The following INTS9 variants were observed in gnomAD, a reference collection of about 807,000 sequenced individuals.
The protein encoded by INTS9 is protein related to CPSF subunits of 74 kDa.
INTS9 carries 55 observed loss-of-function variants against 79.7 expected under a neutral mutation model. The ratio of observed to expected loss-of-function variants is 0.69; its 90% CI spans 0.56 to 0.86. INTS9 has a LOEUF of 0.86. Ranked by LOEUF, INTS9 falls within the 40% of genes least tolerant of loss-of-function variation. The pLI is 0.00. For missense variants in INTS9, 721 were observed against 831.5 expected, an observed-to-expected ratio of 0.87 and a Z score of 1.64; for synonymous variants, 319 against 325.2, an observed-to-expected ratio of 0.98 and a Z score of 0.20.
chr8:28,840,268 C>A (rs1426077941), intron 4 of INTS9, among the ~76,000 whole-genome samples: 6 of 151,328 alleles, frequency 4.0e-5, no homozygotes, highest in Non-Finnish European at 5.9e-5. Flanking sequence ...GTTAGAATGG[C>A]AATCATTAAA....
At chr8:28,880,344 A>G (rs1021886151) in intron 1 of INTS9, among the ~76,000 whole-genome samples, 1 of 149,756 alleles carries the variant, frequency 6.7e-6, no homozygotes, top group Non-Finnish European at 1.5e-5. Flanking sequence ...ATCTCAGCTC[A>G]CTGCAACCTC....
intron 14 of INTS9, among the ~76,000 whole-genome samples, chr8:28,771,944 T>C (rs1436277917): frequency 6.6e-6 from 1 of 152,004 alleles, no homozygotes; most frequent in Admixed American, 6.6e-5. Flanking sequence ...CATTGCAACC[T>C]CAACCTCCTG....
In INTS9 at chr8:28,888,694, G is replaced by A. The variant is rs138567452; in HGVS notation, c.9+1180C>T. 3.0e-3 allele frequency among the ~76,000 whole-genome samples: 456 copies of A among 152,226 alleles called. 1 individual carries two copies. Among genetic ancestry groups the A allele is most frequent in the African/African-American group, 0.01 (432 of 41,516 alleles). On this transcript the variant is annotated intron_variant, in intron 1 of 16. Coordinates refer to ENST00000521022, the MANE Select transcript of INTS9 (RefSeq NM_018250.4). Reference sequence around the variant, plus strand: ...CCAGGGGTAAGTTGCTATTCTCAAGGTTTAGTGACCCGCATCCTTCCCCTT... The same window carrying A: ...CCAGGGGTAAGTTGCTATTCTCAAGATTTAGTGACCCGCATCCTTCCCCTT...
At chr8:28,856,390 A>G (rs986928144) in intron 2 of INTS9, among the ~76,000 whole-genome samples, 3 of 152,104 alleles carry the variant, frequency 2.0e-5, no homozygotes, top group Non-Finnish European at 2.9e-5. Flanking sequence ...TCATGAAAAA[A>G]GGTTTGAGGG....
chr8:28,783,934 T>C (rs1391894996), intron 11 of INTS9: 1 of 152,226 alleles, frequency 6.6e-6, no homozygotes, highest in African/African-American at 2.4e-5. Context: ...AAGTCACTTT[T>C]AAGCATTATC....
rs201451185 is a variant in INTS9, at chr8:28,768,186, C to T, written c.1937G>A (p.Arg646Gln). Residue 646 changes from arginine (R) to glutamine (Q), a missense_variant, in exon 17 of 17, where the codon CGA becomes CAA. Around this residue, in one of 3 missense-constraint regions of INTS9, gnomAD observed 281 missense variants for 300.8 expected, o/e 0.93. Coordinates refer to ENST00000521022, the MANE Select transcript of INTS9 (RefSeq NM_018250.4). ...GAATTTGAGGACAAGGTCCCGCAGT[C>T]GCACTCTGAGCATCTCGTCATTGTC... ...ICDNDEMLRVRLRDLVLKFLQ... is the reference protein window; with the variant it reads ...ICDNDEMLRVQLRDLVLKFLQ... 5.6e-5 allele frequency: 91 copies of T among 1,614,064 alleles called. No homozygotes were observed. Among genetic ancestry groups the T allele is most frequent in the Non-Finnish European group, 7.5e-5 (88 of 1,180,050 alleles).
chr8:28,826,317 G>A (rs1026779809), intron 6 of INTS9, among the ~76,000 whole-genome samples: 1 of 151,978 alleles, frequency 6.6e-6, no homozygotes, highest in Non-Finnish European at 1.5e-5. Flanking sequence ...TGCTATCCCA[G>A]GAAAAAAAAG....
intron 14 of INTS9, among the ~76,000 whole-genome samples, chr8:28,774,296 A>G (rs866267346): frequency 1.3e-5 from 2 of 152,236 alleles, no homozygotes; most frequent in Non-Finnish European, 2.9e-5. Context: ...ATGTTAACAT[A>G]TAATAGGTTT....
chr8:28,869,915 A>G (rs550878685), intron 1 of INTS9, among the ~76,000 whole-genome samples: 3 of 151,984 alleles, frequency 2.0e-5, no homozygotes, highest in Non-Finnish European at 4.4e-5. Context: ...CCTGTCCTCT[A>G]CTTGGCTTTC....
intron 1 of INTS9, among the ~76,000 whole-genome samples, chr8:28,871,598 G>A (rs889455876): frequency 6.6e-6 from 1 of 151,908 alleles, no homozygotes; most frequent in Non-Finnish European, 1.5e-5. Flanking sequence ...TGGAGATGAA[G>A]CCTCACTATG....
intron 11 of INTS9, 86 bp downstream of exon 11, chr8:28,787,743 A>C (rs995441144): frequency 1.1e-6 from 1 of 916,768 alleles, no homozygotes; most frequent in African/African-American, 1.6e-5. Flanking sequence ...ACAGCAATCT[A>C]TTTCATCTAA....
chr8:28,866,942 T>C (rs1460725064), intron 1 of INTS9, among the ~76,000 whole-genome samples: 1 of 149,266 alleles, frequency 6.7e-6, no homozygotes, highest in Non-Finnish European at 1.5e-5. Flanking sequence ...ACCACTGCAC[T>C]CCAGCCTGGG....
At chr8:28,835,031 T>C (rs1368278864) in intron 6 of INTS9, among the ~76,000 whole-genome samples, 1 of 152,184 alleles carries the variant, frequency 6.6e-6, no homozygotes, top group Non-Finnish European at 1.5e-5. Context: ...CCTGTTGAGT[T>C]ATCTGATTTT....
intron 4 of INTS9, among the ~76,000 whole-genome samples, chr8:28,841,923 A>G (rs1464354304): frequency 1.3e-5 from 2 of 152,116 alleles, no homozygotes; most frequent in Non-Finnish European, 2.9e-5. Context: ...ATGTCTCTAC[A>G]AAAAATGTTT....
At chr8:28,802,940 T>C (rs1390883098) in intron 8 of INTS9, among the ~76,000 whole-genome samples, 1 of 148,834 alleles carries the variant, frequency 6.7e-6, no homozygotes, top group Non-Finnish European at 1.5e-5. Flanking sequence ...TAAAACCCCG[T>C]TTCTACAAAA....
chr8:28,826,320 A>C (rs953848160), intron 6 of INTS9, among the ~76,000 whole-genome samples: 2 of 152,192 alleles, frequency 1.3e-5, no homozygotes, highest in Non-Finnish European at 2.9e-5. Flanking sequence ...TATCCCAGGA[A>C]AAAAAAGAAC....
intron 11 of INTS9, among the ~76,000 whole-genome samples, chr8:28,786,110 C>G (rs1457188094): frequency 6.6e-6 from 1 of 152,094 alleles, no homozygotes; most frequent in Admixed American, 6.6e-5. Context: ...CATATCTACT[C>G]TTTTATATCT....
chr8:28,829,524 A>G (rs1394816148), intron 6 of INTS9, among the ~76,000 whole-genome samples: 2 of 152,194 alleles, frequency 1.3e-5, no homozygotes, highest in Non-Finnish European at 2.9e-5. Context: ...ACTTCAAATG[A>G]TTTATGAGAA....
chr8:28,829,935 G>A (rs1563280702), intron 6 of INTS9, among the ~76,000 whole-genome samples: 2 of 151,982 alleles, frequency 1.3e-5, no homozygotes, highest in Non-Finnish European at 2.9e-5. Context: ...GTGGTCACCG[G>A]TCCACATTTT....
Sources: gnomAD v4.1 joint callset for allele counts (sites outside exome capture counted in the v4.1 genomes callset) on GRCh38, gnomAD v4.1.1 for gene constraint, gnomAD v4.1.1 regional missense constraint, MANE v1.5 for transcripts, NCBI Gene and HGNC (gene_info 2026-07-23, HGNC 2026-07-21) for gene names.